Variants in RAB11FIP1 observed in about 807,000 individuals in gnomAD.
RAB11FIP1 encodes rab11 family-interacting protein 1.
In RAB11FIP1, 49 loss-of-function variants were observed where a neutral mutation model predicts 83.1. The observed-to-expected ratio is 0.59, with a 90% confidence interval of 0.47 to 0.75. RAB11FIP1 has a LOEUF of 0.75. RAB11FIP1 is among the 30% of genes least tolerant of loss of function. RAB11FIP1 has a pLI of 0.00. For missense variants in RAB11FIP1, 1,536 were observed against 1,598.7 expected (o/e 0.96, Z 0.67); for synonymous variants, 670 against 656.0 (o/e 1.02, Z -0.33).
chr8:37,875,129 C>CT lies in RAB11FIP1; in HGVS notation c.1007dup (p.Asp337GlyfsTer2). The CT allele has an allele frequency of 4.3e-6, 7 of 1,614,110 alleles. No homozygotes were observed. The highest frequency in any genetic ancestry group is 5.9e-6 in the Non-Finnish European group (7 of 1,180,002). On this transcript the variant is annotated frameshift_variant, in exon 3 of 6. Transcript: ENST00000330843. LOFTEE classifies it high-confidence loss of function. ...ATGGGGAGGAGGACGGGCTGCTATC[C>CT]TTGATCTCACCCTTGGCTTCTGGCT... is the stretch of plus-strand genomic sequence containing the variant.
chr8:37,862,926 G>A lies in RAB11FIP1; in HGVS notation c.3821C>T (p.Thr1274Ile). 2 of 1,611,794 alleles carry A rather than the reference G, an allele frequency of 1.2e-6. No individual in the cohort carries two copies. Among genetic ancestry groups the A allele is most frequent in the Non-Finnish European group, 1.7e-6 (2 of 1,178,452 alleles). ...EETPNILRIP[T>I]QVGKKAGKM ...CTTTCCTGCTTTTTTGCCAACCTGA[G>A]TCGGGATGCGGAGGATATTGGGGGT... Residue 1274 changes from threonine (T) to isoleucine (I), a missense_variant, in exon 6 of 6, where the codon ACT becomes ATT. Coordinates refer to ENST00000330843, the MANE Select transcript of RAB11FIP1 (RefSeq NM_001002814.3).
intron 1 of RAB11FIP1, among the ~76,000 whole-genome samples, chr8:37,887,022 A>G (rs1183828995): frequency 1.3e-5 from 2 of 152,210 alleles, no homozygotes; most frequent in Admixed American, 1.3e-4. Context: ...GAAGGTAGCT[A>G]GTCATCATAA....
At position 37,898,506 on chromosome 8, in the gene RAB11FIP1, A is replaced by C. The variant is rs1037173260; in HGVS notation, c.371+565T>G. ...CGTCTCTACTAAAAATACAAAAATT[A>C]GCCGGGCGTGGTGGCGCACGCCTGT... On this transcript the variant is annotated intron_variant, in intron 1 of 5. Coordinates refer to ENST00000330843, the MANE Select transcript of RAB11FIP1 (RefSeq NM_001002814.3). 7.9e-5 allele frequency among the ~76,000 whole-genome samples: 12 copies of C among 151,744 alleles called. 1 individual carries two copies. The highest frequency in any genetic ancestry group is 2.9e-4 in the African/African-American group (12 of 41,290).
chr8:37,873,286 G>T lies in RAB11FIP1; in HGVS notation c.1623-107C>A, dbSNP rs1032606587. 10 of 1,244,518 alleles carry T rather than the reference G, an allele frequency of 8.0e-6. No homozygotes were observed. In the African/African-American group the frequency reaches 1.4e-4, roughly 17 times the overall value. 77.1% of individuals were successfully genotyped at this position (1,244,518 alleles called of 1,614,324 possible). ...TCACCAGGGGAGAACGTCTTTACACGTGGGGCAGTACCTTAAGAAGTTAAA... is the reference window on the plus strand; with the variant it reads ...TCACCAGGGGAGAACGTCTTTACACTTGGGGCAGTACCTTAAGAAGTTAAA... On this transcript the variant is annotated intron_variant, in intron 3 of 5. Transcript: ENST00000330843.
In RAB11FIP1 at chr8:37,877,338, G is replaced by A. The variant is rs758439108; in HGVS notation, c.585C>T (p.Ser195=). 6.2e-7 allele frequency: 1 copy of A among 1,614,152 alleles called. No homozygotes were observed. Among genetic ancestry groups the A allele is most frequent in the South Asian group, 1.1e-5 (1 of 91,084 alleles). ...GSDTASAIIP[S]TTPSVDSDDE... Reference sequence around the variant, plus strand: ...CATCACTGTCGACCGAAGGTGTCGTGCTAGGGATGATGGCGGAGGCGGTGT... The same window carrying A: ...CATCACTGTCGACCGAAGGTGTCGTACTAGGGATGATGGCGGAGGCGGTGT... The change falls in exon 2 of 6, where the codon AGC becomes AGT. Residue 195 remains serine, a synonymous_variant. Transcript: ENST00000330843.
chr8:37,887,317 G>A (rs1462724226), intron 1 of RAB11FIP1, among the ~76,000 whole-genome samples: 2 of 152,112 alleles, frequency 1.3e-5, no homozygotes, highest in African/African-American at 4.8e-5. Context: ...GATCACTTGA[G>A]GTCAGGAGTT....
At position 37,871,582 on chromosome 8, in the gene RAB11FIP1, CCTCACCACCACTGGG is replaced by C; in HGVS notation, c.3205_3219del (p.Pro1069_Glu1073del). ...CTCCCATTTCCCATCGGTTTTTCTT[CCTCACCACCACTGGG>C]GCCTGGCAGCTGTTTATCCAAGCTT... On this transcript the variant is annotated inframe_deletion, in exon 4 of 6. Transcript: ENST00000330843. The C allele has an allele frequency of 6.3e-7, 1 of 1,598,472 alleles. No individual in the cohort carries two copies. The highest frequency in any genetic ancestry group is 8.5e-7 in the Non-Finnish European group (1 of 1,170,516).
intron 5 of RAB11FIP1, among the ~76,000 whole-genome samples, chr8:37,868,721 C>T (rs1397172247): frequency 2.6e-5 from 4 of 152,100 alleles, no homozygotes; most frequent in African/African-American, 9.7e-5. Flanking sequence ...ATTCTAGAAC[C>T]AGAAAGAGCA....
chr8:37,889,555 T>C (rs1254427072), intron 1 of RAB11FIP1, among the ~76,000 whole-genome samples: 1 of 152,196 alleles, frequency 6.6e-6, no homozygotes, highest in African/African-American at 2.4e-5. Context: ...GGTCCTCACA[T>C]ACAGAGACTT....
rs1165916704 is a variant in RAB11FIP1, at chr8:37,871,988, C to G, written c.2814G>C (p.Leu938Phe). ...SDHEGLLSDP[L>F]SDLQLVSDFK... ...AATCTGAGACCAACTGAAGGTCACT[C>G]AAGGGGTCAGACAATAAACCTTCGT... The change falls in exon 4 of 6, where the codon TTG (leucine) becomes TTC (phenylalanine). Residue 938 changes from leucine to phenylalanine, a missense_variant. Physicochemically the swap from Leu to Phe is conservative, Grantham distance 22. Coordinates refer to ENST00000330843, the MANE Select transcript of RAB11FIP1 (RefSeq NM_001002814.3). 2 of 1,614,184 alleles carry G rather than the reference C, an allele frequency of 1.2e-6. No individual in the cohort carries two copies. The highest frequency in any genetic ancestry group is 1.3e-5 in the African/African-American group (1 of 75,062).
chr8:37,880,588 G>GT (rs1216257882), intron 1 of RAB11FIP1, among the ~76,000 whole-genome samples: 1 of 151,892 alleles, frequency 6.6e-6, no homozygotes, highest in East Asian at 1.9e-4. Flanking sequence ...GCCACCAAGC[G>GT]TGGCTAAAAA....
At position 37,872,674 on chromosome 8, in the gene RAB11FIP1, G is replaced by C; in HGVS notation, c.2128C>G (p.Pro710Ala). ...GRQEEELPRF[P>A]CKKQDYSPSS... ...GGGCTGTAGTCTTGTTTTTTGCAGG[G>C]GAATCTCGGAAGTTCTTCCTCTTGT... Residue 710 changes from proline (P) to alanine (A), a missense_variant, in exon 4 of 6, where the codon CCC (proline) becomes GCC (alanine). Physicochemically the swap from Pro to Ala is conservative, Grantham distance 27. Transcript: ENST00000330843. The C allele has an allele frequency of 6.2e-7, 1 of 1,614,182 alleles. No individual in the cohort carries two copies. Among genetic ancestry groups the C allele is most frequent in the Non-Finnish European group, 8.5e-7 (1 of 1,180,024 alleles).
chr8:37,883,414 C>A (rs1293363759), intron 1 of RAB11FIP1, among the ~76,000 whole-genome samples: 1 of 152,196 alleles, frequency 6.6e-6, no homozygotes, highest in East Asian at 1.9e-4. Flanking sequence ...AGGTGATCCG[C>A]CTGCCTCAGC....
intron 1 of RAB11FIP1, 145 bp downstream of exon 1, chr8:37,898,926 A>C: frequency 1.2e-6 from 1 of 841,540 alleles, no homozygotes; most frequent in East Asian, 3.3e-5. Flanking sequence ...GCCAGGTGAG[A>C]ACACCAGCAC....
chr8:37,897,881 T>G (rs192135991), intron 1 of RAB11FIP1, among the ~76,000 whole-genome samples: 1 of 152,192 alleles, frequency 6.6e-6, no homozygotes, highest in South Asian at 2.1e-4. Flanking sequence ...TAGCAAGTCA[T>G]GTGACAGCCG....
Position 37,874,612 on chromosome 8 carries a change from G to C in RAB11FIP1, c.1525C>G (p.Gln509Glu), listed in dbSNP as rs1434679315. The C allele has an allele frequency of 1.9e-6, 3 of 1,614,074 alleles. No homozygotes were observed. Among genetic ancestry groups the C allele is most frequent in the Non-Finnish European group, 2.5e-6 (3 of 1,180,030 alleles). ...GGCTCAGCTTCTGGTTCTGTGATCT[G>C]CACATCTTCAAAGAGGTTCAGGGAG... ...GSSLNLFEDV[Q>E]ITEPEAEPES... The change falls in exon 3 of 6, where the codon CAG (glutamine) becomes GAG (glutamate). Residue 509 changes from glutamine (Q) to glutamate (E), a missense_variant. By Grantham distance (29) the Gln-to-Glu change is conservative. Coordinates refer to ENST00000330843, the MANE Select transcript of RAB11FIP1 (RefSeq NM_001002814.3).
intron 5 of RAB11FIP1, among the ~76,000 whole-genome samples, chr8:37,870,057 G>T (rs767437692): frequency 6.6e-6 from 1 of 152,160 alleles, no homozygotes; most frequent in African/African-American, 2.4e-5. Context: ...AGCACTTTGG[G>T]AGGCCAAGGT....
chr8:37,877,060 C>T (rs1187373359), intron 2 of RAB11FIP1, 49 bp downstream of exon 2: 1 of 1,314,232 alleles, frequency 7.6e-7, no homozygotes, highest in East Asian at 2.3e-5. Context: ...CAGAACGAAG[C>T]ATGGTAAGAG....
intron 1 of RAB11FIP1, among the ~76,000 whole-genome samples, chr8:37,886,212 A>G (rs937997685): frequency 1.3e-5 from 2 of 152,228 alleles, no homozygotes; most frequent in Admixed American, 6.5e-5. Context: ...AGGCTCACCC[A>G]AGATCACAAA....
Sources: allele counts gnomAD v4.1 joint callset (sites outside exome capture counted in the v4.1 genomes callset), GRCh38; gene constraint gnomAD v4.1.1; transcripts MANE v1.5; gene names NCBI Gene and HGNC (gene_info 2026-07-23, HGNC 2026-07-21).